The following C6orf118 variants were observed in gnomAD, a reference collection of about 807,000 sequenced individuals.
C6orf118 encodes the protein uncharacterized protein C6orf118.
In C6orf118, 50 loss-of-function variants were observed where a neutral mutation model predicts 50.2. The ratio of observed to expected loss-of-function variants is 1.00; its 90% CI spans 0.79 to 1.26. The LOEUF (loss-of-function observed/expected upper bound fraction) is 1.26, where lower values mean the gene tolerates loss of function less well. C6orf118 is among the 50% of genes most tolerant of loss of function. The pLI, the probability that C6orf118 is intolerant of heterozygous loss-of-function variation, is 0.00. For synonymous variants in C6orf118, 239 were observed against 230.9 expected (o/e 1.03, Z -0.32); for missense variants, 641 against 578.7 (o/e 1.11, Z -1.10).
chr6:165,301,459 G>C (rs577774221), intron 2 of C6orf118, 110 bp downstream of exon 2: 8 of 1,414,182 alleles, frequency 5.7e-6, no homozygotes, highest in Non-Finnish European at 7.6e-6. Context: ...GCTATGCCCC[G>C]GAGCTCTGCC....
intron 4 of C6orf118, among the ~76,000 whole-genome samples, chr6:165,298,664 C>T (rs997471731): frequency 3.9e-5 from 6 of 152,158 alleles, no homozygotes; most frequent in African/African-American, 7.2e-5. Context: ...AATCTCAAAA[C>T]GTAAGGAACA....
rs1780393267 is a variant in C6orf118, at chr6:165,298,424, G to C, written c.937-323C>G. Reference sequence around the variant, plus strand: ...AAAGTCCTGGAGGCACATTGTCAGTGGCACCGCAATCGTTTCCTCTAGGTG... The same window carrying C: ...AAAGTCCTGGAGGCACATTGTCAGTCGCACCGCAATCGTTTCCTCTAGGTG... On this transcript the variant is annotated intron_variant, in intron 4 of 8. Transcript: ENST00000230301. 2.6e-5 allele frequency among the ~76,000 whole-genome samples: 4 copies of C among 152,322 alleles called. 1 individual carries two copies. The South Asian group carries it at 8.3e-4, about 32-fold the overall frequency.
At chr6:165,300,949 G>A (rs953090975) in intron 2 of C6orf118, among the ~76,000 whole-genome samples, 1 of 150,756 alleles carries the variant, frequency 6.6e-6, no homozygotes, top group African/African-American at 2.5e-5. Context: ...ACCTCAGGGC[G>A]TGACAGTGCC....
chr6:165,296,275 T>TTTTTTTTTTTTTTTTTTTTTTTTTTTTC (rs1780305088), intron 5 of C6orf118, among the ~76,000 whole-genome samples: 1 of 116,734 alleles, frequency 8.6e-6, no homozygotes, highest in Non-Finnish European at 1.8e-5. Context: ...TTTTTTTTTT[T>TTTTTTTTTTTTTTTTTTTTTTTTTTTTC]TTGCCTTGGC....
At chr6:165,281,496 C>G in intron 8 of C6orf118, 144 bp downstream of exon 8, 1 of 1,402,436 alleles carries the variant, frequency 7.1e-7, no homozygotes, top group Non-Finnish European at 9.3e-7. Flanking sequence ...CCTCTCTTCA[C>G]TGATCTTTCC....
chr6:165,303,554 C>A (rs1780639359), intron 1 of C6orf118, among the ~76,000 whole-genome samples: 1 of 134,320 alleles, frequency 7.4e-6, no homozygotes, highest in Admixed American at 7.6e-5. Context: ...AAAGGATCAA[C>A]AAAATTGATA....
chr6:165,285,499 T>G (rs1397368377), intron 7 of C6orf118, among the ~76,000 whole-genome samples: 2 of 152,282 alleles, frequency 1.3e-5, no homozygotes, highest in Admixed American at 6.5e-5. Context: ...AGAATATGCA[T>G]TCTTCTCAGT....
In C6orf118 at chr6:165,286,033, T is replaced by G. The variant is rs80015416; in HGVS notation, c.1302+3853A>C. Among the ~76,000 whole-genome samples the G allele has an allele frequency of 4.9e-3, 743 of 150,978 alleles. 5 individuals are homozygous for G. The highest frequency in any genetic ancestry group is 0.017 in the African/African-American group (713 of 41,134). ...TTAATAAAATAAATAGACCACTAGC[T>G]AGATTAATAAAGAAGAAAAGAGAGA... On this transcript the variant is annotated intron_variant, in intron 7 of 8. Coordinates refer to ENST00000230301, the MANE Select transcript of C6orf118 (RefSeq NM_144980.4).
At chr6:165,308,129 T>C (rs1780813904) in intron 1 of C6orf118, among the ~76,000 whole-genome samples, 1 of 152,134 alleles carries the variant, frequency 6.6e-6, no homozygotes, top group South Asian at 2.1e-4. Context: ...TCACATGGAC[T>C]CTGTCTCAGG....
chr6:165,300,513 T>C (rs373400242), intron 2 of C6orf118, 27 bp from the exon 3 acceptor site: 1 of 1,591,678 alleles, frequency 6.3e-7, no homozygotes, highest in Non-Finnish European at 8.5e-7. Flanking sequence ...GTCAGCCCAT[T>C]TCAGGGTGGC....
At chr6:165,284,913 T>G (rs924020408) in intron 7 of C6orf118, among the ~76,000 whole-genome samples, 46 of 152,020 alleles carry the variant, frequency 3.0e-4, no homozygotes, top group African/African-American at 1.1e-3. Flanking sequence ...TTAGCAGGTG[T>G]GCAAAATAAC....
In C6orf118 at chr6:165,290,048, T is replaced by C; in HGVS notation, c.1140A>G (p.Ile380Met). ...TAAGAGTAAGTCGGTTTTCATCAAT[T>C]ATATGTTTCTCAGATGATTCTGGAA... Reference protein sequence around the residue: ...KERSESSEKHIIDENRLTLTE... With the variant: ...KERSESSEKHMIDENRLTLTE... The change falls in exon 7 of 9, where the codon ATA becomes ATG. Residue 380 changes from isoleucine (I) to methionine (M), a missense_variant. Coordinates refer to ENST00000230301, the MANE Select transcript of C6orf118 (RefSeq NM_144980.4). The C allele has an allele frequency of 1.9e-6, 3 of 1,597,818 alleles. No homozygotes were observed. The highest frequency in any genetic ancestry group is 2.6e-6 in the Non-Finnish European group (3 of 1,172,984).
chr6:165,300,593 G>T, intron 2 of C6orf118, 107 bp from the exon 3 acceptor site: 1 of 1,058,896 alleles, frequency 9.4e-7, no homozygotes, highest in South Asian at 1.8e-5. Flanking sequence ...CCTGGCGAGT[G>T]GGCGGGGCGG....
At position 165,301,991 on chromosome 6, in the gene C6orf118, G is replaced by A. The variant is rs750762134; in HGVS notation, c.331C>T (p.His111Tyr). The part of the protein sequence containing the change: ...KVARMKEALA[H>Y]FTIHTALVPS... ...ACCAGGGCCGTGTGGATGGTGAAGTGGGCCAGGGCCTCCTTCATCCTCGCC... is the reference window on the plus strand; with the variant it reads ...ACCAGGGCCGTGTGGATGGTGAAGTAGGCCAGGGCCTCCTTCATCCTCGCC... The change falls in exon 2 of 9, where the codon CAC becomes TAC. Residue 111 changes from histidine to tyrosine, a missense_variant. His to Tyr is a moderately conservative substitution (Grantham distance 83, BLOSUM62 2). Coordinates refer to ENST00000230301, the MANE Select transcript of C6orf118 (RefSeq NM_144980.4). The A allele has an allele frequency of 4.5e-5, 73 of 1,613,458 alleles. No individual in the cohort carries two copies. Among genetic ancestry groups the A allele is most frequent in the Non-Finnish European group, 5.9e-5 (70 of 1,179,956 alleles).
intron 6 of C6orf118, among the ~76,000 whole-genome samples, chr6:165,292,996 G>T (rs190923908): frequency 6.6e-6 from 1 of 152,056 alleles, no homozygotes; most frequent in South Asian, 2.1e-4. Context: ...GAGGGAAAAT[G>T]GCATTTCATT....
chr6:165,301,808 GCCATCCAGGAGGGCC>G lies in C6orf118; in HGVS notation c.499_513del (p.Gly167_Trp171del). 1.2e-6 allele frequency: 2 copies of G among 1,613,854 alleles called. No homozygotes were observed. Among genetic ancestry groups the G allele is most frequent in the Non-Finnish European group, 1.7e-6 (2 of 1,179,936 alleles). ...GGCAGCCGGAGTTCTTCCCTCCTGC[GCCATCCAGGAGGGCC>G]CCGTCCAGGAGGGCCTCCTTTCTTT... is the stretch of plus-strand genomic sequence containing the variant. On this transcript the variant is annotated inframe_deletion, in exon 2 of 9. Coordinates refer to ENST00000230301, the MANE Select transcript of C6orf118 (RefSeq NM_144980.4).
At chr6:165,282,825 G>C (rs1233417790) in intron 7 of C6orf118, among the ~76,000 whole-genome samples, 2 of 151,982 alleles carry the variant, frequency 1.3e-5, no homozygotes, top group Admixed American at 1.3e-4. Flanking sequence ...TCTTCATAGG[G>C]AGTTTTCTAT....
At chr6:165,281,084 G>T (rs1054401179) in intron 8 of C6orf118, among the ~76,000 whole-genome samples, 3 of 152,244 alleles carry the variant, frequency 2.0e-5, no homozygotes, top group East Asian at 1.9e-4. Context: ...ATAAACAAAT[G>T]ATATAAATCA....
intron 7 of C6orf118, among the ~76,000 whole-genome samples, chr6:165,288,429 C>A (rs185721936): frequency 1.3e-5 from 2 of 151,934 alleles, no homozygotes; most frequent in African/African-American, 4.8e-5. Flanking sequence ...ACCCAAATCC[C>A]TTTTGTATAT....
Sources: allele counts gnomAD v4.1 joint callset (sites outside exome capture counted in the v4.1 genomes callset), GRCh38; gene constraint gnomAD v4.1.1; transcripts MANE v1.5; gene names NCBI Gene and HGNC (gene_info 2026-07-23, HGNC 2026-07-21).